CARD10: variants seen among roughly 807,000 people sequenced by gnomAD.
CARD10 encodes caspase recruitment domain-containing protein 10.
A neutral mutation model predicts 114.6 loss-of-function variants in CARD10; 49 were observed. That is an observed-to-expected ratio of 0.43 (90% CI 0.34 to 0.54). The LOEUF is 0.54. Among genes scored for constraint, CARD10 ranks in the 20% least tolerant of loss-of-function variants. The pLI, the probability that CARD10 is intolerant of heterozygous loss-of-function variation, is 0.03. For missense variants in CARD10, 1,206 were observed against 1,397.2 expected (o/e 0.86, Z 2.18); for synonymous variants, 602 against 593.2 (o/e 1.01, Z -0.21).
rs1162658856 is a variant in CARD10 at position 37,491,387 on chromosome 22, C to T, written c.2871G>A (p.Leu957=). 5 of 1,489,224 alleles carry T rather than the reference C, an allele frequency of 3.4e-6. No homozygotes were observed. In the African/African-American group the frequency reaches 7.0e-5, roughly 21 times the overall value. 92.3% of individuals were successfully genotyped at this position (1,489,224 alleles called of 1,614,324 possible). The part of the protein sequence containing the change: ...TEKNVREVRG[L]LGRPGWRDSE... ...AGTCCCGCCAGCCCGGCCGGCCCAG[C>T]AGACCCCTGCCGAGAGAAGAGTGAG... Residue 957 remains leucine, a synonymous_variant, in exon 20 of 20, where the codon CTG becomes CTA. Transcript: ENST00000251973.
chr22:37,491,509 A>C, intron 19 of CARD10, 116 bp from the exon 20 acceptor site: 1 of 557,464 alleles, frequency 1.8e-6, no homozygotes. Context: ...ACAACCAAAG[A>C]GAGACAGATG....
rs779369473 is a variant in CARD10, at chr22:37,504,738, T to C, written c.1415A>G (p.Asn472Ser). 6.4e-7 allele frequency: 1 copy of C among 1,569,652 alleles called. No individual in the cohort carries two copies. Among genetic ancestry groups the C allele is most frequent in the South Asian group, 1.2e-5 (1 of 83,930 alleles). Residue 472 changes from asparagine (N) to serine (S), a missense_variant, in exon 8 of 20, where the codon AAC (asparagine) becomes AGC (serine). Transcript: ENST00000251973. The stretch of plus-strand genomic sequence containing the variant: ...GCTCAGGCTCCAAGTGCTGCTGAGG[T>C]TGGAGCACAGGGAATGGGAGGAGGC... ...ACASSHSLCS[N>S]LSSTWSLSEF...
intron 1 of CARD10, 68 bp downstream of exon 1, chr22:37,518,898 G>A (rs746953315): frequency 3.5e-6 from 5 of 1,448,944 alleles, no homozygotes; most frequent in Admixed American, 2.3e-5. Flanking sequence ...CGCGCTACAC[G>A]GCTGTGGGCG....
At chr22:37,498,638 G>A (rs80256394) in intron 11 of CARD10, among the ~76,000 whole-genome samples, 9,965 of 152,216 alleles carry the variant, frequency 0.065, 406 homozygotes, top group South Asian at 0.23. Flanking sequence ...GAGCCAGGCC[G>A]AGGGGCTGGA....
intron 4 of CARD10, 179 bp from the exon 5 acceptor site, chr22:37,508,861 C>T (rs1452128868): frequency 2.2e-5 from 26 of 1,199,140 alleles, no homozygotes; most frequent in Non-Finnish European, 2.7e-5. Flanking sequence ...TGGGTGTGGC[C>T]CCACAAGCCC....
intron 15 of CARD10, chr22:37,494,399 C>T (rs1292371831): frequency 3.4e-6 from 2 of 582,288 alleles, no homozygotes; most frequent in Non-Finnish European, 6.1e-6. Context: ...ATGAGAGCAG[C>T]CATCCCTGTG....
Position 37,515,965 on chromosome 22 carries a change from G to C in CARD10, c.699+8C>G. On this transcript the variant is annotated splice_region_variant and intron_variant, in intron 3 of 19. Transcript: ENST00000251973. ...CTTGCCTCCCCGACCCATCTCCCCAGGGCCTACCGCCAGCTGCAGGTCACG... is the reference window on the plus strand; with the variant it reads ...CTTGCCTCCCCGACCCATCTCCCCACGGCCTACCGCCAGCTGCAGGTCACG... 5 of 1,562,530 alleles carry C rather than the reference G, an allele frequency of 3.2e-6. No homozygotes were observed. In the South Asian group the frequency reaches 4.7e-5, roughly 15 times the overall value.
chr22:37,504,455 C>T (rs1356162501), intron 8 of CARD10, among the ~76,000 whole-genome samples, 154 bp from the exon 9 acceptor site: 3 of 152,216 alleles, frequency 2.0e-5, no homozygotes, highest in South Asian at 2.1e-4. Flanking sequence ...TGGCTCCCCA[C>T]GCCTCCTGGC....
chr22:37,508,427 C>A, intron 5 of CARD10, 100 bp downstream of exon 5: 1 of 1,268,486 alleles, frequency 7.9e-7, no homozygotes, highest in Non-Finnish European at 1.1e-6. Flanking sequence ...CAGTTCTCAG[C>A]GCGGCGCCTG....
At chr22:37,508,924 G>C (rs1309656790) in intron 4 of CARD10, 1 of 1,452,756 alleles carries the variant, frequency 6.9e-7, no homozygotes, top group Non-Finnish European at 9.4e-7. Flanking sequence ...AAGCTAAGTG[G>C]AGAAGGGTGT....
intron 19 of CARD10, 99 bp downstream of exon 19, chr22:37,491,656 G>GGA (rs2145749649): frequency 2.0e-6 from 1 of 499,292 alleles, no homozygotes; most frequent in Non-Finnish European, 3.6e-6. Flanking sequence ...GAGGGAGAAA[G>GGA]AGGGGGAGGG....
Position 37,504,713 on chromosome 22 carries a change from G to T in CARD10, c.1440C>A (p.Ser480Arg). 1.3e-6 allele frequency: 2 copies of T among 1,583,734 alleles called. No homozygotes were observed. Among genetic ancestry groups the T allele is most frequent in the Non-Finnish European group, 1.7e-6 (2 of 1,166,376 alleles). Residue 480 changes from serine to arginine, a missense_variant, in exon 8 of 20, where the codon AGC becomes AGA. Transcript: ENST00000251973. The part of the protein sequence containing the change: ...CSNLSSTWSL[S>R]EFPSPLGGPE... The stretch of plus-strand genomic sequence containing the variant: ...GGCCTCCCAGAGGGGAGGGGAACTC[G>T]CTCAGGCTCCAAGTGCTGCTGAGGT...
Position 37,495,119 on chromosome 22 carries a change from C to T in CARD10, c.2373+398G>A, listed in dbSNP as rs563670312. Among the ~76,000 whole-genome samples the T allele has an allele frequency of 1.9e-3, 282 of 152,280 alleles. 1 individual carries two copies. Among genetic ancestry groups the T allele is most frequent in the African/African-American group, 6.4e-3 (266 of 41,558 alleles). ...CTGAGACTACAGGCACCCGCCACCA[C>T]GCCCGGCTAATTTTGTTTTTGTATT... On this transcript the variant is annotated intron_variant, in intron 15 of 19. Coordinates refer to ENST00000251973, the MANE Select transcript of CARD10 (RefSeq NM_014550.4).
Position 37,491,735 on chromosome 22 carries a change from G to A in CARD10, c.2864+20C>T, listed in dbSNP as rs1242991958. 2 of 1,194,264 alleles carry A rather than the reference G, an allele frequency of 1.7e-6. No homozygotes were observed. Among genetic ancestry groups the A allele is most frequent in the Non-Finnish European group, 2.5e-6 (2 of 807,160 alleles). The allele number at this position is 1,194,264 out of a possible 1,614,324, so 74.0% of individuals were successfully genotyped here. ...CTCAGGTCCGAGTGCCCTGCCCACT[G>A]CCCCACCCACCCACCTCACCTGACT... On this transcript the variant is annotated intron_variant, in intron 19 of 19. Transcript: ENST00000251973.
At chr22:37,494,963 T>C (rs888407223) in intron 15 of CARD10, among the ~76,000 whole-genome samples, 4 of 149,814 alleles carry the variant, frequency 2.7e-5, no homozygotes, top group Non-Finnish European at 5.9e-5. Context: ...CTGGTTTGTT[T>C]TTTTTGTTTT....
chr22:37,507,051 G>A (rs1304918064), intron 6 of CARD10, among the ~76,000 whole-genome samples: 1 of 152,228 alleles, frequency 6.6e-6, no homozygotes, highest in Non-Finnish European at 1.5e-5. Context: ...GGCTGAGGCA[G>A]GTGGATCAGT....
In CARD10 at chr22:37,490,917, G is replaced by A; in HGVS notation, c.*242C>T. On this transcript the variant is annotated 3_prime_UTR_variant, in exon 20 of 20. Transcript: ENST00000251973. ...ACATAAGACCCACTAGTGGGAATGT[G>A]GAGACCCCAGGAAAGGTGGGGAGGC... 1 of 563,904 alleles carries A rather than the reference G, an allele frequency of 1.8e-6. No homozygotes were observed. The highest frequency in any genetic ancestry group is 3.2e-6 in the Non-Finnish European group (1 of 315,808). The allele number at this position is 563,904 out of a possible 1,614,324, so 34.9% of individuals were successfully genotyped here.
chr22:37,499,502 C>T (rs1167227854), intron 11 of CARD10, among the ~76,000 whole-genome samples: 1 of 146,008 alleles, frequency 6.8e-6, no homozygotes, highest in Non-Finnish European at 1.5e-5. Context: ...ACCAACCCTA[C>T]CCACCCCACC....
Position 37,496,965 on chromosome 22 carries a change from A to G in CARD10, c.1947+54T>C. On this transcript the variant is annotated intron_variant, in intron 12 of 19. Transcript: ENST00000251973. This position sits in a 1 kb window ranked among gnomAD's most constrained non-coding sequence, Gnocchi z 4.1. The stretch of plus-strand genomic sequence containing the variant: ...TGATCCACCAAATTAAGGGATGTCC[A>G]GCCTGGGCAAAAGCACTGACCCTAC... 2 of 1,524,404 alleles carry G rather than the reference A, an allele frequency of 1.3e-6. No individual in the cohort carries two copies. The highest frequency in any genetic ancestry group is 1.3e-5 in the South Asian group (1 of 76,852). The allele number at this position is 1,524,404 out of a possible 1,614,324, so 94.4% of individuals were successfully genotyped here.
Sources: allele counts gnomAD v4.1 joint callset (sites outside exome capture counted in the v4.1 genomes callset), GRCh38; gene constraint gnomAD v4.1.1; non-coding constraint Gnocchi (gnomAD v3.1); transcripts MANE v1.5; gene names NCBI Gene and HGNC (gene_info 2026-07-23, HGNC 2026-07-21).